PCDHA9: variants seen among roughly 807,000 people sequenced by gnomAD.
The protein encoded by PCDHA9 is protocadherin alpha-9.
PCDHA9 carries 62 observed loss-of-function variants against 62.0 expected under a neutral mutation model. The ratio of observed to expected loss-of-function variants is 1.00; its 90% CI spans 0.81 to 1.23. PCDHA9 has a LOEUF of 1.23. Ranked by LOEUF, PCDHA9 falls within the 50% of genes most tolerant of loss-of-function variation. The pLI, the probability that PCDHA9 is intolerant of heterozygous loss-of-function variation, is 0.00. For synonymous variants in PCDHA9, 557 were observed against 567.6 expected (o/e 0.98, Z 0.27); for missense variants, 1,205 against 1,249.8 (o/e 0.96, Z 0.54).
chr5:140,903,525 C>T (rs1322141732), intron 1 of PCDHA9, among the ~76,000 whole-genome samples: 1 of 152,164 alleles, frequency 6.6e-6, no homozygotes, highest in African/African-American at 2.4e-5. Context: ...GTGTTGTTCA[C>T]TTTAAACTAG....
intron 1 of PCDHA9, chr5:140,968,024 A>C: frequency 1.2e-6 from 2 of 1,614,178 alleles, no homozygotes; most frequent in Non-Finnish European, 1.7e-6. Flanking sequence ...AAACTCCTAT[A>C]CACTGGTGGT....
At chr5:140,967,321 C>T (rs985147302) in intron 1 of PCDHA9, 12 of 1,609,430 alleles carry the variant, frequency 7.5e-6, no homozygotes, top group Non-Finnish European at 1.0e-5. Context: ...TACAGACCTA[C>T]GAGCTCAGCC....
chr5:140,871,272 G>C lies in PCDHA9; in HGVS notation c.2394+20383G>C, dbSNP rs782818690. Reference sequence around the variant, plus strand: ...TGCTGTATACGGCGCTGTGGTGGTCGGCAACGCCCACTGAGGGCGCGTGCG... The same window carrying C: ...TGCTGTATACGGCGCTGTGGTGGTCCGCAACGCCCACTGAGGGCGCGTGCG... On this transcript the variant is annotated intron_variant, in intron 1 of 3. Coordinates refer to ENST00000532602, the MANE Select transcript of PCDHA9 (RefSeq NM_031857.2). 25 of 1,613,826 alleles carry C rather than the reference G, an allele frequency of 1.5e-5. No individual in the cohort carries two copies. The East Asian group carries it at 5.1e-4, about 33-fold the overall frequency.
In PCDHA9 at chr5:140,867,382, C is replaced by T. The variant is rs1201158672; in HGVS notation, c.2394+16493C>T. ...TTTTACAGATGCGTAATGGAATTAA[C>T]GGTTATAAAAGTTGATATGTCTCCT... On this transcript the variant is annotated intron_variant, in intron 1 of 3. Coordinates refer to ENST00000532602, the MANE Select transcript of PCDHA9 (RefSeq NM_031857.2). The T allele has an allele frequency of 4.6e-5, 7 of 152,006 alleles. No individual in the cohort carries two copies. In the East Asian group the frequency reaches 7.7e-4, roughly 17 times the overall value. 9.4% of individuals were successfully genotyped at this position (152,006 alleles called of 1,614,324 possible).
At chr5:140,953,810 C>T (rs918101590) in intron 1 of PCDHA9, among the ~76,000 whole-genome samples, 5 of 152,190 alleles carry the variant, frequency 3.3e-5, no homozygotes, top group South Asian at 2.1e-4. Context: ...TTCTGAGGTG[C>T]ATGTGCTAGT....
In PCDHA9 at chr5:140,933,676, AT is replaced by A. The variant is rs1400784175; in HGVS notation, c.2395-45265del. 1.4e-4 allele frequency among the ~76,000 whole-genome samples: 21 copies of A among 151,552 alleles called. 1 individual carries two copies. Among genetic ancestry groups the A allele is most frequent in the Admixed American group, 1.3e-3 (19 of 15,194 alleles). On this transcript the variant is annotated intron_variant, in intron 1 of 3. Coordinates refer to ENST00000532602, the MANE Select transcript of PCDHA9 (RefSeq NM_031857.2). Reference sequence around the variant, plus strand: ...CTGTCTCTCTCTCTGTCTCTCTCACATTTTTTTTCCTATTCCTCGGACACAT... The same window carrying A: ...CTGTCTCTCTCTCTGTCTCTCTCACATTTTTTTCCTATTCCTCGGACACAT...
chr5:140,900,062 A>C (rs1221394657), intron 1 of PCDHA9, among the ~76,000 whole-genome samples: 1 of 152,138 alleles, frequency 6.6e-6, no homozygotes, highest in Non-Finnish European at 1.5e-5. Flanking sequence ...CTTTAACCTC[A>C]GCCTCCAAAA....
At chr5:140,987,560 G>A (rs2097259227) in intron 3 of PCDHA9, among the ~76,000 whole-genome samples, 36 of 152,130 alleles carry the variant, frequency 2.4e-4, no homozygotes, top group Admixed American at 2.4e-3. Flanking sequence ...CTGATTCTCA[G>A]TTTCTTTCTC....
At position 140,934,119 on chromosome 5, in the gene PCDHA9, C is replaced by A. The variant is rs1339301991; in HGVS notation, c.2395-44830C>A. Among the ~76,000 whole-genome samples, 6 of 152,170 alleles carry A rather than the reference C, an allele frequency of 3.9e-5. No individual in the cohort carries two copies. In the East Asian group the frequency reaches 1.2e-3, roughly 29 times the overall value. ...GCTTTCTATTTTATTAATTTTCATA[C>A]TTTATTAATTTATTTCCTTCCTTAT... On this transcript the variant is annotated intron_variant, in intron 1 of 3. Transcript: ENST00000532602.
chr5:140,890,238 C>T (rs2062554718), intron 1 of PCDHA9, among the ~76,000 whole-genome samples: 1 of 152,034 alleles, frequency 6.6e-6, no homozygotes, highest in African/African-American at 2.4e-5. Flanking sequence ...TAAGCATTTA[C>T]CAGTACACTA....
intron 1 of PCDHA9, among the ~76,000 whole-genome samples, chr5:140,907,205 G>T (rs549918744): frequency 2.0e-5 from 3 of 152,196 alleles, no homozygotes; most frequent in East Asian, 3.9e-4. Context: ...GGAGAATTTT[G>T]CCCCAGCCCT....
chr5:141,010,325 G>T lies in PCDHA9; in HGVS notation c.*388G>T. On this transcript the variant is annotated 3_prime_UTR_variant, in exon 4 of 4. Coordinates refer to ENST00000532602, the MANE Select transcript of PCDHA9 (RefSeq NM_031857.2). Reference sequence around the variant, plus strand: ...GAAAAGTTTTGAGATTGAGCAGCTTGGGAGTTTGTGGCCACTGGGTATGTG... The same window carrying T: ...GAAAAGTTTTGAGATTGAGCAGCTTTGGAGTTTGTGGCCACTGGGTATGTG... 1 of 1,539,506 alleles carries T rather than the reference G, an allele frequency of 6.5e-7. No individual in the cohort carries two copies. The highest frequency in any genetic ancestry group is 8.7e-7 in the Non-Finnish European group (1 of 1,142,888).
chr5:141,008,241 C>G (rs1474460463), intron 3 of PCDHA9, among the ~76,000 whole-genome samples: 2 of 152,118 alleles, frequency 1.3e-5, no homozygotes, highest in African/African-American at 2.4e-5. Flanking sequence ...TGCTCAGGGA[C>G]ACCAAATTAG....
At position 140,857,203 on chromosome 5, in the gene PCDHA9, C is replaced by T. The variant is rs781954201; in HGVS notation, c.2394+6314C>T. 1.0e-5 allele frequency: 16 copies of T among 1,598,514 alleles called. 1 individual carries two copies. In the Admixed American group the frequency reaches 2.4e-4, roughly 24 times the overall value. On this transcript the variant is annotated intron_variant, in intron 1 of 3. Transcript: ENST00000532602. ...ATTCAGGAGCCAACGGACAGGTCAC[C>T]TGCTCTCTGACGCCTCACGTTCCGT...
intron 1 of PCDHA9, chr5:140,858,071 C>A: frequency 6.3e-7 from 1 of 1,597,680 alleles, no homozygotes; most frequent in Non-Finnish European, 8.6e-7. Context: ...CAGCCAGGCA[C>A]CCAAGGCCTC....
rs931844758 is a variant in PCDHA9 at position 140,867,293 on chromosome 5, A to G, written c.2394+16404A>G. 2.6e-5 allele frequency: 4 copies of G among 152,096 alleles called. No homozygotes were observed. The South Asian group carries it at 6.2e-4, about 24-fold the overall frequency. The allele number at this position is 152,096 out of a possible 1,614,324, so 9.4% of individuals were successfully genotyped here. The stretch of plus-strand genomic sequence containing the variant: ...ATAAACCTGATGTGCTTCAAATATC[A>G]TGTTGAATATACTGTCATCTGGTCT... On this transcript the variant is annotated intron_variant, in intron 1 of 3. Coordinates refer to ENST00000532602, the MANE Select transcript of PCDHA9 (RefSeq NM_031857.2).
chr5:140,852,585 T>TTA (rs1554145908), intron 1 of PCDHA9: 28 of 874,450 alleles, frequency 3.2e-5, no homozygotes, highest in Admixed American at 6.4e-5. Flanking sequence ...CTTTTTTATT[T>TTA]TTTTTTTTTG....
At position 141,009,870 on chromosome 5, in the gene PCDHA9, A is replaced by G. The variant is rs1554262513; in HGVS notation, c.2786A>G (p.Lys929Arg). 1.9e-6 allele frequency: 3 copies of G among 1,614,114 alleles called. No homozygotes were observed. Among genetic ancestry groups the G allele is most frequent in the South Asian group, 2.2e-5 (2 of 91,074 alleles). ...GAGACCAAGAAAAAGAAGAAAAAGA[A>G]GAAGGGTAACAAGACCCAGGAGAAA... ...KEETKKKKKK[K>R]KGNKTQEKKE... The change falls in exon 4 of 4, where the codon AAG (lysine) becomes AGG (arginine). Residue 929 changes from lysine to arginine, a missense_variant. Physicochemically the swap from Lys to Arg is conservative, Grantham distance 26. This residue lies in a region of PCDHA9 where 887 missense variants were observed against 809.5 expected (regional missense o/e 1.10). Coordinates refer to ENST00000532602, the MANE Select transcript of PCDHA9 (RefSeq NM_031857.2).
At chr5:140,979,779 G>C (rs778402540) in intron 2 of PCDHA9, among the ~76,000 whole-genome samples, 1 of 152,186 alleles carries the variant, frequency 6.6e-6, no homozygotes, top group Non-Finnish European at 1.5e-5. Flanking sequence ...AAATGGGAAG[G>C]ACCAAGAAAC....
Sources: allele counts gnomAD v4.1 joint callset (sites outside exome capture counted in the v4.1 genomes callset), GRCh38; gene constraint gnomAD v4.1.1; regional missense constraint gnomAD v4.1.1; transcripts MANE v1.5; gene names NCBI Gene and HGNC (gene_info 2026-07-23, HGNC 2026-07-21).